Variants in PKM observed in about 807,000 individuals in gnomAD.
The protein encoded by PKM is pyruvate kinase M1/2.
PKM carries 18 observed loss-of-function variants against 49.8 expected under a neutral mutation model. The observed-to-expected ratio is 0.36, with a 90% confidence interval of 0.25 to 0.54. The LOEUF (loss-of-function observed/expected upper bound fraction) is 0.54, where lower values mean the gene tolerates loss of function less well. Among genes scored for constraint, PKM ranks in the 20% least tolerant of loss-of-function variants. The probability of loss-of-function intolerance (pLI) is 0.89; values close to 1 mark genes in which losing one functional copy is unlikely to be tolerated. For missense variants in PKM, 508 were observed against 713.8 expected, an observed-to-expected ratio of 0.71 and a Z score of 3.28; for synonymous variants, 239 against 261.8, an observed-to-expected ratio of 0.91 and a Z score of 0.84.
At chr15:72,224,857 G>GA (rs2082620022) in intron 1 of PKM, among the ~76,000 whole-genome samples, 1 of 129,558 alleles carries the variant, frequency 7.7e-6, no homozygotes, top group African/African-American at 2.8e-5. Context: ...CTCTGTCTCA[G>GA]AAAAAAAGGA....
chr15:72,210,638 AC>A (rs1185032649), intron 3 of PKM, among the ~76,000 whole-genome samples, 160 bp from the exon 4 acceptor site: 1 of 152,116 alleles, frequency 6.6e-6, no homozygotes, highest in African/African-American at 2.4e-5. Context: ...GAAATCCTCT[AC>A]CTGCTTAATC....
In PKM at chr15:72,208,610, C is replaced by T. The variant is rs564707213; in HGVS notation, c.836+11G>A. On this transcript the variant is annotated intron_variant, in intron 6 of 10. Transcript: ENST00000335181. Reference sequence around the variant, plus strand: ...TGCGCTGGGACTGGAGCAGGGACAACGGGGACTTGCCTCCGAACCCCCTCA... The same window carrying T: ...TGCGCTGGGACTGGAGCAGGGACAATGGGGACTTGCCTCCGAACCCCCTCA... 59 of 1,613,924 alleles carry T rather than the reference C, an allele frequency of 3.7e-5. No individual in the cohort carries two copies. The highest frequency in any genetic ancestry group is 1.5e-4 in the South Asian group (14 of 91,068).
chr15:72,209,701 C>T lies in PKM; in HGVS notation c.537G>A (p.Gly179=), dbSNP rs989272890. The change falls in exon 5 of 11, where the codon GGG becomes GGA. Residue 179 remains glycine, a synonymous_variant. Coordinates refer to ENST00000335181, the MANE Select transcript of PKM (RefSeq NM_002654.6). ...TCTGCTTCACCTGGAGAGAAATAAG[C>T]CCATCATCCACGTAGATCTTGCTGC... The part of the protein sequence containing the change: ...EVGSKIYVDD[G]LISLQVKQKG... 6.2e-7 allele frequency: 1 copy of T among 1,613,716 alleles called. No individual in the cohort carries two copies. Among genetic ancestry groups the T allele is most frequent in the African/African-American group, 1.3e-5 (1 of 74,926 alleles).
chr15:72,210,261 A>G (rs781310914), intron 4 of PKM, 86 bp downstream of exon 4: 185 of 1,447,366 alleles, frequency 1.3e-4, no homozygotes, highest in Non-Finnish European at 1.7e-4. Flanking sequence ...ACTGGGAAGA[A>G]ACATGGCAAC....
Position 72,209,736 on chromosome 15 carries a change from C to T in PKM, c.502G>A (p.Val168Met). The T allele has an allele frequency of 1.9e-6, 3 of 1,614,084 alleles. No homozygotes were observed. Among genetic ancestry groups the T allele is most frequent in the Non-Finnish European group, 2.5e-6 (3 of 1,180,008 alleles). Residue 168 changes from valine (V) to methionine (M), a missense_variant, in exon 5 of 11, where the codon GTG becomes ATG. Physicochemically the swap from Val to Met is conservative, Grantham distance 21. Coordinates refer to ENST00000335181, the MANE Select transcript of PKM (RefSeq NM_002654.6). ...ACGTAGATCTTGCTGCCCACTTCCA[C>T]CACCTTGCAGATGTTCTTGTAGTCC... is the stretch of plus-strand genomic sequence containing the variant. ...WLDYKNICKV[V>M]EVGSKIYVDD...
At chr15:72,224,251 G>A (rs8192381) in intron 1 of PKM, among the ~76,000 whole-genome samples, 6,155 of 152,180 alleles carry the variant, frequency 0.04, 211 homozygotes, top group East Asian at 0.16. Flanking sequence ...AAAGTAGGGC[G>A]GTGTTTCTGG....
At chr15:72,212,847 G>A (rs1416642196) in intron 3 of PKM, among the ~76,000 whole-genome samples, 2 of 152,090 alleles carry the variant, frequency 1.3e-5, no homozygotes, top group East Asian at 3.9e-4. Flanking sequence ...CGAGGAGGGG[G>A]GATCACAAGG....
At chr15:72,207,691 G>A (rs957695693) in intron 6 of PKM, among the ~76,000 whole-genome samples, 4 of 152,238 alleles carry the variant, frequency 2.6e-5, no homozygotes, top group African/African-American at 9.6e-5. Flanking sequence ...TCTAGTCAAG[G>A]ACACTTGAGG....
At chr15:72,229,115 T>C (rs997433251) in intron 1 of PKM, among the ~76,000 whole-genome samples, 2 of 152,232 alleles carry the variant, frequency 1.3e-5, no homozygotes, top group African/African-American at 2.4e-5. Context: ...GAGAGCCTGA[T>C]TCCTCACGAT....
chr15:72,222,742 G>C (rs1197337111), intron 1 of PKM, among the ~76,000 whole-genome samples: 2 of 152,120 alleles, frequency 1.3e-5, no homozygotes, highest in Non-Finnish European at 2.9e-5. Flanking sequence ...TCTTGAGCCC[G>C]AGCCCCTGCA....
At chr15:72,216,600 A>C (rs2082383145) in intron 3 of PKM, among the ~76,000 whole-genome samples, 1 of 152,198 alleles carries the variant, frequency 6.6e-6, no homozygotes, top group Non-Finnish European at 1.5e-5. Context: ...TCCAGCCTGG[A>C]TGACAGAGCA....
At position 72,202,403 on chromosome 15, in the gene PKM, G is replaced by A. The variant is rs1345457580; in HGVS notation, c.1307+51C>T. The A allele has an allele frequency of 1.9e-6, 3 of 1,567,892 alleles. No individual in the cohort carries two copies. The highest frequency in any genetic ancestry group is 2.3e-4 in the Middle Eastern group (1 of 4,416). On this transcript the variant is annotated intron_variant, in intron 9 of 10. Transcript: ENST00000335181. This position sits in a 1 kb window ranked among gnomAD's most constrained non-coding sequence, Gnocchi z 4.5. ...AATGGACTGCTCCCAGGACCCCCAA[G>A]GTGAGGTACCACTGAGCAGGGCATT... is the stretch of plus-strand genomic sequence containing the variant.
chr15:72,218,621 A>G (rs1208614637), intron 2 of PKM, among the ~76,000 whole-genome samples: 1 of 147,904 alleles, frequency 6.8e-6, no homozygotes, highest in Non-Finnish European at 1.5e-5. Flanking sequence ...TTGGAGAGAC[A>G]GGGTCTAAGT....
Position 72,219,011 on chromosome 15 carries a change from G to A in PKM, c.87C>T (p.His29=). Residue 29 remains histidine (H), a synonymous_variant, in exon 2 of 11, where the codon CAC becomes CAT. Transcript: ENST00000335181. ...GTGAATCAATGTCCAGGCGGCACAT[G>A]TGCTCCAGGAATGTGTCAGCCATGG... ...HAAMADTFLE[H]MCRLDIDSPP... The A allele has an allele frequency of 6.2e-7, 1 of 1,614,206 alleles. No individual in the cohort carries two copies. Among genetic ancestry groups the A allele is most frequent in the East Asian group, 2.2e-5 (1 of 44,880 alleles).
chr15:72,202,270 T>C lies in PKM; in HGVS notation c.1307+184A>G, dbSNP rs1044959769. 1.6e-6 allele frequency: 1 copy of C among 643,012 alleles called. No homozygotes were observed. The highest frequency in any genetic ancestry group is 2.5e-5 in the Admixed American group (1 of 40,150). The allele number at this position is 643,012 out of a possible 1,614,324, so 39.8% of individuals were successfully genotyped here. On this transcript the variant is annotated intron_variant, in intron 9 of 10. Coordinates refer to ENST00000335181, the MANE Select transcript of PKM (RefSeq NM_002654.6). This position sits in a 1 kb window ranked among gnomAD's most constrained non-coding sequence, Gnocchi z 4.5. ...TCTGACATTCCTTATGAGTGCTACCTAGAGTCCTTTGGGCCCAGGGAAGGG... is the reference window on the plus strand; with the variant it reads ...TCTGACATTCCTTATGAGTGCTACCCAGAGTCCTTTGGGCCCAGGGAAGGG...
chr15:72,209,829 C>T lies in PKM; in HGVS notation c.409G>A (p.Gly137Arg), dbSNP rs770161962. The T allele has an allele frequency of 6.2e-7, 1 of 1,614,096 alleles. No homozygotes were observed. Among genetic ancestry groups the T allele is most frequent in the South Asian group, 1.1e-5 (1 of 91,082 alleles). The change falls in exon 5 of 11, where the codon GGA becomes AGA. Residue 137 changes from glycine (G) to arginine (R), a missense_variant. Coordinates refer to ENST00000335181, the MANE Select transcript of PKM (RefSeq NM_002654.6). ...SGTAEVELKK[G>R]ATLKITLDNA... ...TCCAGCGTGATTTTGAGAGTGGCTC[C>T]CTTCTTCAGCTCCACCTCTGCAGTG...
chr15:72,219,331 A>T, intron 1 of PKM: 1 of 512,286 alleles, frequency 2.0e-6, no homozygotes, highest in Non-Finnish European at 3.5e-6. Context: ...TGAACAAGTT[A>T]AAACCTCCCA....
chr15:72,225,548 T>C (rs2082645223), intron 1 of PKM, among the ~76,000 whole-genome samples: 1 of 152,194 alleles, frequency 6.6e-6, no homozygotes, highest in Non-Finnish European at 1.5e-5. Flanking sequence ...CTGAAGTCTA[T>C]GTACAGTGTA....
At chr15:72,231,321 C>T (rs906790864), upstream of PKM, 1 of 156,794 alleles carries the variant, frequency 6.4e-6, no homozygotes, top group Non-Finnish European at 1.4e-5. Context: ...CGGGCGCAGT[C>T]ACCTTCAGGA....
Sources: gnomAD v4.1 joint callset for allele counts (sites outside exome capture counted in the v4.1 genomes callset) on GRCh38, gnomAD v4.1.1 for gene constraint, Gnocchi (gnomAD v3.1) non-coding constraint, MANE v1.5 for transcripts, NCBI Gene and HGNC (gene_info 2026-07-23, HGNC 2026-07-21) for gene names.